The following PKD2L1 variants were observed in gnomAD, a reference collection of about 807,000 sequenced individuals.
PKD2L1 encodes the protein polycystin-2-like protein 1.
In PKD2L1, 77 loss-of-function variants were observed where a neutral mutation model predicts 93.0. That is an observed-to-expected ratio of 0.83 (90% CI 0.69 to 1.00). The LOEUF (loss-of-function observed/expected upper bound fraction) is 1.00, where lower values mean the gene tolerates loss of function less well. Ranked by LOEUF, PKD2L1 falls within the 50% of genes least tolerant of loss-of-function variation. The probability of loss-of-function intolerance (pLI) is 0.00; values close to 1 mark genes in which losing one functional copy is unlikely to be tolerated. For synonymous variants in PKD2L1, 390 were observed against 388.0 expected (o/e 1.01, Z -0.06); for missense variants, 977 against 990.9 (o/e 0.99, Z 0.19).
At chr10:100,298,462 G>C in intron 4 of PKD2L1, 100 bp downstream of exon 4, 6 of 1,233,988 alleles carry the variant, frequency 4.9e-6, no homozygotes, top group Non-Finnish European at 6.9e-6. Flanking sequence ...AAAGAGCTCT[G>C]AGGCTCTTTA....
At chr10:100,324,627 A>G (rs1849336660) in intron 2 of PKD2L1, among the ~76,000 whole-genome samples, 1 of 152,222 alleles carries the variant, frequency 6.6e-6, no homozygotes, top group South Asian at 2.1e-4. Flanking sequence ...TAGATAATAC[A>G]AAGATAACTA....
chr10:100,311,200 C>A (rs1848924971), intron 2 of PKD2L1, among the ~76,000 whole-genome samples: 1 of 152,292 alleles, frequency 6.6e-6, no homozygotes, highest in East Asian at 1.9e-4. Context: ...TTCTTCTTCG[C>A]TTTGGCCACT....
chr10:100,290,469 G>A lies in PKD2L1; in HGVS notation c.2058C>T (p.Ser686=), dbSNP rs763954785. 4 of 1,613,708 alleles carry A rather than the reference G, an allele frequency of 2.5e-6. No individual in the cohort carries two copies. Among genetic ancestry groups the A allele is most frequent in the Non-Finnish European group, 3.4e-6 (4 of 1,179,996 alleles). ...IEKLGRSIVS[S]PQGKSGPEAA... ...CCTCTGGACCCGATTTGCCTTGTGGGCTGCTCACAATAGATCGGCCTAGTT... is the reference window on the plus strand; with the variant it reads ...CCTCTGGACCCGATTTGCCTTGTGGACTGCTCACAATAGATCGGCCTAGTT... The change falls in exon 13 of 16, where the codon AGC becomes AGT. Residue 686 remains serine (S), a synonymous_variant. Coordinates refer to ENST00000318222, the MANE Select transcript of PKD2L1 (RefSeq NM_016112.3).
intron 7 of PKD2L1, 38 bp downstream of exon 7, chr10:100,296,084 C>T (rs374710187): frequency 5.7e-5 from 87 of 1,522,786 alleles, no homozygotes; most frequent in African/African-American, 4.0e-4. Context: ...AGAATGAGTG[C>T]GCCTTGAAGC....
intron 5 of PKD2L1, 83 bp from the exon 6 acceptor site, chr10:100,297,291 A>G (rs1233879421): frequency 6.5e-7 from 1 of 1,534,744 alleles, no homozygotes; most frequent in Non-Finnish European, 9.0e-7. Context: ...CACCCCCACC[A>G]CAGGGTAGGA....
chr10:100,305,152 C>G (rs540361660), intron 2 of PKD2L1, among the ~76,000 whole-genome samples: 1 of 150,638 alleles, frequency 6.6e-6, no homozygotes, highest in Non-Finnish European at 1.5e-5. Flanking sequence ...CGCACTGTCA[C>G]CCAGGCTGGA....
chr10:100,304,685 A>G (rs1019560363), intron 2 of PKD2L1, among the ~76,000 whole-genome samples: 1 of 151,890 alleles, frequency 6.6e-6, no homozygotes, highest in Non-Finnish European at 1.5e-5. Flanking sequence ...AGGTCTCACT[A>G]TGTTGCCCAG....
chr10:100,310,336 C>G (rs1848906001), intron 2 of PKD2L1, among the ~76,000 whole-genome samples: 1 of 152,114 alleles, frequency 6.6e-6, no homozygotes, highest in South Asian at 2.1e-4. Flanking sequence ...AAGACTCTGT[C>G]TCAAACAACA....
chr10:100,315,752 T>A (rs1334276156), intron 2 of PKD2L1, among the ~76,000 whole-genome samples: 1 of 152,184 alleles, frequency 6.6e-6, no homozygotes, highest in African/African-American at 2.4e-5. Context: ...CCCTTGAGAC[T>A]CTGACTATGG....
intron 8 of PKD2L1, 95 bp from the exon 9 acceptor site, chr10:100,294,750 C>T: frequency 2.0e-6 from 3 of 1,537,514 alleles, no homozygotes; most frequent in Non-Finnish European, 2.7e-6. Context: ...CACGTTCACC[C>T]CAATCTGATA....
chr10:100,311,564 C>G (rs551459675), intron 2 of PKD2L1, among the ~76,000 whole-genome samples: 1 of 152,298 alleles, frequency 6.6e-6, no homozygotes, highest in Non-Finnish European at 1.5e-5. Flanking sequence ...CTGCCCAGCT[C>G]AGAGCAGTAA....
chr10:100,306,032 T>C (rs181604740), intron 2 of PKD2L1, among the ~76,000 whole-genome samples: 131 of 151,982 alleles, frequency 8.6e-4, no homozygotes, highest in Middle Eastern at 6.8e-3. Context: ...AAAAAATACA[T>C]AAATTAGCCG....
intron 2 of PKD2L1, among the ~76,000 whole-genome samples, chr10:100,310,484 C>T (rs1469887921): frequency 2.0e-5 from 3 of 152,142 alleles, no homozygotes; most frequent in African/African-American, 7.2e-5. Context: ...AAAAACATGC[C>T]TATCATTAAG....
At position 100,329,996 on chromosome 10, in the gene PKD2L1, T is replaced by G; in HGVS notation, c.108A>C (p.Arg36Ser). The change falls in exon 1 of 16, where the codon AGA (arginine) becomes AGC (serine). Residue 36 changes from arginine (R) to serine (S), a missense_variant. Physicochemically the swap from Arg to Ser is moderately radical, Grantham distance 110. Transcript: ENST00000318222. Reference protein sequence around the residue: ...SGPPSPHGTLRVCTISSTGPL... With the variant: ...SGPPSPHGTLSVCTISSTGPL... ...GCCCCGTGCTGGAGATGGTGCAGAC[T>G]CTCAGCGTCCCGTGTGGGGAAGGGG... 6.2e-7 allele frequency: 1 copy of G among 1,613,914 alleles called. No individual in the cohort carries two copies. Among genetic ancestry groups the G allele is most frequent in the Non-Finnish European group, 8.5e-7 (1 of 1,179,814 alleles).
chr10:100,322,371 A>G (rs953037688), intron 2 of PKD2L1, among the ~76,000 whole-genome samples: 6 of 152,196 alleles, frequency 3.9e-5, no homozygotes, highest in African/African-American at 1.4e-4. Context: ...TACTAAAAAT[A>G]CAAAAATTAG....
intron 7 of PKD2L1, among the ~76,000 whole-genome samples, 197 bp from the exon 8 acceptor site, chr10:100,295,320 G>A (rs574458674): frequency 5.3e-5 from 8 of 151,862 alleles, no homozygotes; most frequent in Non-Finnish European, 1.0e-4. Flanking sequence ...TACTTGGGAG[G>A]CTGAGGCAGA....
intron 2 of PKD2L1, among the ~76,000 whole-genome samples, chr10:100,314,781 C>T (rs955828800): frequency 1.3e-5 from 2 of 151,630 alleles, no homozygotes; most frequent in Admixed American, 1.3e-4. Flanking sequence ...GCCTGTAATC[C>T]CAGCACTTTG....
chr10:100,327,876 A>G (rs1849412743), intron 2 of PKD2L1, among the ~76,000 whole-genome samples: 1 of 152,214 alleles, frequency 6.6e-6, no homozygotes, highest in Non-Finnish European at 1.5e-5. Flanking sequence ...CCGATAGAGC[A>G]CAGCCAGAAC....
chr10:100,290,607 A>C, intron 12 of PKD2L1, 88 bp from the exon 13 acceptor site: 16 of 792,798 alleles, frequency 2.0e-5, no homozygotes, highest in East Asian at 2.5e-5. Flanking sequence ...CTGGGATCTC[A>C]GGACCAAGGC....
Sources: allele counts gnomAD v4.1 joint callset (sites outside exome capture counted in the v4.1 genomes callset), GRCh38; gene constraint gnomAD v4.1.1; transcripts MANE v1.5; gene names NCBI Gene and HGNC (gene_info 2026-07-23, HGNC 2026-07-21).